The following SH3RF3 variants were observed in gnomAD, a reference collection of about 807,000 sequenced individuals.
The protein encoded by SH3RF3 is E3 ubiquitin-protein ligase SH3RF3.
In SH3RF3, 29 loss-of-function variants were observed where a neutral mutation model predicts 66.3. That is an observed-to-expected ratio of 0.44 (90% CI 0.33 to 0.60). The LOEUF is 0.60. Ranked by LOEUF, SH3RF3 falls within the 20% of genes least tolerant of loss-of-function variation. SH3RF3 has a pLI of 0.04. For synonymous variants in SH3RF3, 583 were observed against 532.0 expected, an observed-to-expected ratio of 1.10 and a Z score of -1.32; for missense variants, 1,194 against 1,190.9, an observed-to-expected ratio of 1.00 and a Z score of -0.04.
rs140238128 is a variant in SH3RF3 at position 109,360,328 on chromosome 2, G to A, written c.850-11258G>A. Reference sequence around the variant, plus strand: ...CTTATTGGTAGCATATAAATCCAGAGTCAGAAGTGAGGCTGATGCCAAACA... The same window carrying A: ...CTTATTGGTAGCATATAAATCCAGAATCAGAAGTGAGGCTGATGCCAAACA... On this transcript the variant is annotated intron_variant, in intron 2 of 9. Transcript: ENST00000309415. 6.8e-3 allele frequency among the ~76,000 whole-genome samples: 1,040 copies of A among 152,290 alleles called. 6 individuals carry two copies. The highest frequency in any genetic ancestry group is 0.041 in the Middle Eastern group (12 of 294).
At position 109,397,698 on chromosome 2, in the gene SH3RF3, G is replaced by A. The variant is rs572382442; in HGVS notation, c.946-892G>A. 5.4e-4 allele frequency among the ~76,000 whole-genome samples: 82 copies of A among 152,268 alleles called. 1 individual carries two copies. Among genetic ancestry groups the A allele is most frequent in the African/African-American group, 1.8e-3 (73 of 41,558 alleles). ...TACCTCCCCAGGCTGTGTAATTCAC[G>A]GACCTTCCCCCAGTGGGTGTGCCTG... On this transcript the variant is annotated intron_variant, in intron 3 of 9. Coordinates refer to ENST00000309415, the MANE Select transcript of SH3RF3 (RefSeq NM_001099289.3).
chr2:109,271,256 C>T (rs981021380), intron 1 of SH3RF3, among the ~76,000 whole-genome samples: 3 of 152,146 alleles, frequency 2.0e-5, no homozygotes, highest in Admixed American at 1.3e-4. Context: ...TCCAGAAAAG[C>T]CCTGGCCCTG....
chr2:109,228,552 C>T (rs1679428331), intron 1 of SH3RF3, among the ~76,000 whole-genome samples: 1 of 152,186 alleles, frequency 6.6e-6, no homozygotes, highest in Admixed American at 6.5e-5. Context: ...AGTATGGACC[C>T]TGCAGGTTAA....
chr2:109,271,111 G>A (rs543234028), intron 1 of SH3RF3, among the ~76,000 whole-genome samples: 2 of 152,286 alleles, frequency 1.3e-5, no homozygotes, highest in South Asian at 2.1e-4. Context: ...CCCAGCCAGC[G>A]AACGGGGCGA....
chr2:109,355,960 C>T (rs1489050701), intron 2 of SH3RF3, among the ~76,000 whole-genome samples: 2 of 152,146 alleles, frequency 1.3e-5, no homozygotes, highest in Non-Finnish European at 2.9e-5. Context: ...GCCATTGTTT[C>T]CCTGGTCCTG....
chr2:109,348,959 AGTT>A (rs760164195), intron 2 of SH3RF3, among the ~76,000 whole-genome samples: 67 of 152,032 alleles, frequency 4.4e-4, no homozygotes, highest in Non-Finnish European at 5.4e-4. Context: ...GATGCCCAGA[AGTT>A]GTTGTTTTCT....
intron 1 of SH3RF3, among the ~76,000 whole-genome samples, chr2:109,208,463 C>A (rs1321414968): frequency 6.6e-6 from 1 of 152,178 alleles, no homozygotes; most frequent in East Asian, 1.9e-4. Context: ...GCCCAAGAAG[C>A]CCTGTGGAGA....
At chr2:109,370,465 C>T (rs1683244857) in intron 2 of SH3RF3, among the ~76,000 whole-genome samples, 1 of 152,080 alleles carries the variant, frequency 6.6e-6, no homozygotes, top group Non-Finnish European at 1.5e-5. Context: ...GTCTCAAACT[C>T]CTGATCTCAG....
intron 1 of SH3RF3, among the ~76,000 whole-genome samples, chr2:109,166,039 A>G (rs997379514): frequency 6.6e-6 from 1 of 152,068 alleles, no homozygotes; most frequent in Admixed American, 6.6e-5. Context: ...CTGTAGATAC[A>G]TACCTTGGTG....
intron 1 of SH3RF3, among the ~76,000 whole-genome samples, chr2:109,262,248 A>C (rs1449910098): frequency 2.0e-5 from 3 of 152,246 alleles, no homozygotes; most frequent in Middle Eastern, 3.2e-3. Context: ...CTGAGGCTTG[A>C]AAGCTTGGAG....
chr2:109,415,374 C>T (rs941142577), intron 4 of SH3RF3, among the ~76,000 whole-genome samples: 2 of 152,196 alleles, frequency 1.3e-5, no homozygotes, highest in African/African-American at 4.8e-5. Flanking sequence ...TGCAGGCTTG[C>T]GAAGGTTGAA....
At chr2:109,349,376 A>G (rs757901373) in intron 2 of SH3RF3, among the ~76,000 whole-genome samples, 41 of 152,300 alleles carry the variant, frequency 2.7e-4, no homozygotes, top group Non-Finnish European at 5.6e-4. Flanking sequence ...CTGGCTGCAC[A>G]GCTTCCCGGG....
intron 1 of SH3RF3, among the ~76,000 whole-genome samples, chr2:109,284,826 G>A (rs1026912874): frequency 6.6e-6 from 1 of 152,202 alleles, no homozygotes; most frequent in South Asian, 2.1e-4. Flanking sequence ...TGTGTGTGGG[G>A]TGTGTGTGTT....
At chr2:109,299,664 C>T (rs576466228) in intron 1 of SH3RF3, among the ~76,000 whole-genome samples, 2 of 152,204 alleles carry the variant, frequency 1.3e-5, no homozygotes, top group Admixed American at 6.5e-5. Flanking sequence ...CTGTACTTGC[C>T]GAACCTAAAA....
At chr2:109,381,862 G>T (rs1360330001) in intron 3 of SH3RF3, among the ~76,000 whole-genome samples, 1 of 152,070 alleles carries the variant, frequency 6.6e-6, no homozygotes, top group African/African-American at 2.4e-5. Context: ...GGAAAGCTGT[G>T]CATGTTTATA....
At chr2:109,163,012 G>A (rs1677525789) in intron 1 of SH3RF3, among the ~76,000 whole-genome samples, 1 of 152,182 alleles carries the variant, frequency 6.6e-6, no homozygotes, top group African/African-American at 2.4e-5. Context: ...GATTTGGAGG[G>A]AAAAGTCCCC....
chr2:109,490,638 G>A lies in SH3RF3; in HGVS notation c.2182G>A (p.Ala728Thr), dbSNP rs1353324384. 6.7e-7 allele frequency: 1 copy of A among 1,491,904 alleles called. No individual in the cohort carries two copies. Among genetic ancestry groups the A allele is most frequent in the Non-Finnish European group, 8.9e-7 (1 of 1,118,824 alleles). The allele number at this position is 1,491,904 out of a possible 1,614,324, so 92.4% of individuals were successfully genotyped here. A position where few individuals can be genotyped will look rare whatever the true frequency, so the allele number is the denominator to read the frequency against. The change falls in exon 9 of 10, where the codon GCC becomes ACC. Residue 728 changes from alanine to threonine, a missense_variant. Physicochemically the swap from Ala to Thr is moderately conservative, Grantham distance 58 (BLOSUM62 0). Coordinates refer to ENST00000309415, the MANE Select transcript of SH3RF3 (RefSeq NM_001099289.3). Reference sequence around the variant, plus strand: ...GAAGAGTGGGCTCCTGAAGCTTCTAGCCGGAGCATCCACCAAGAAGAAGTC... The same window carrying A: ...GAAGAGTGGGCTCCTGAAGCTTCTAACCGGAGCATCCACCAAGAAGAAGTC... ...EKKSGLLKLL[A>T]GASTKKKSRS...
At chr2:109,439,190 A>G (rs1256099737) in intron 7 of SH3RF3, among the ~76,000 whole-genome samples, 6 of 152,298 alleles carry the variant, frequency 3.9e-5, no homozygotes, top group Middle Eastern at 3.4e-3. Context: ...TCAGTCCTCC[A>G]TCACCATAGT....
At chr2:109,226,096 G>A (rs1476827614) in intron 1 of SH3RF3, among the ~76,000 whole-genome samples, 1 of 152,186 alleles carries the variant, frequency 6.6e-6, no homozygotes, top group South Asian at 2.1e-4. Flanking sequence ...TTTGACTCAG[G>A]CTAAATCACT....
Sources: gnomAD v4.1 joint callset for allele counts (sites outside exome capture counted in the v4.1 genomes callset) on GRCh38, gnomAD v4.1.1 for gene constraint, MANE v1.5 for transcripts, NCBI Gene and HGNC (gene_info 2026-07-23, HGNC 2026-07-21) for gene names.